LHPP: variants seen among roughly 807,000 people sequenced by gnomAD.
LHPP encodes the protein hLHPP.
In LHPP, 24 loss-of-function variants were observed where a neutral mutation model predicts 30.3. The ratio of observed to expected loss-of-function variants is 0.79; its 90% confidence interval spans 0.57 to 1.11. The LOEUF (loss-of-function observed/expected upper bound fraction) is 1.11. Among genes scored for constraint, LHPP ranks in the 50% most tolerant of loss-of-function variants. LHPP has a pLI of 0.00. For synonymous variants in LHPP, 150 were observed against 157.1 expected (o/e 0.95, Z 0.34); for missense variants, 356 against 367.2 (o/e 0.97, Z 0.25).
At chr10:124,476,128 C>G (rs1952936384) in intron 1 of LHPP, among the ~76,000 whole-genome samples, 2 of 152,090 alleles carry the variant, frequency 1.3e-5, no homozygotes, top group South Asian at 4.1e-4. Context: ...AGTGCCCTAG[C>G]TGGGGGCCGG....
chr10:124,607,434 C>T (rs545142982), intron 6 of LHPP, among the ~76,000 whole-genome samples: 5 of 152,382 alleles, frequency 3.3e-5, no homozygotes, highest in African/African-American at 4.8e-5. Flanking sequence ...AAACACCGGC[C>T]GGGTGCTAAT....
At chr10:124,543,025 G>A (rs1482335767) in intron 6 of LHPP, among the ~76,000 whole-genome samples, 2 of 152,196 alleles carry the variant, frequency 1.3e-5, no homozygotes, top group Non-Finnish European at 2.9e-5. Context: ...GTGAGTGGGG[G>A]CTGCTGTGCC....
intron 6 of LHPP, among the ~76,000 whole-genome samples, chr10:124,567,415 C>T (rs543518077): frequency 6.6e-6 from 1 of 152,394 alleles, no homozygotes; most frequent in East Asian, 1.9e-4. Context: ...CTGCCTCTCT[C>T]AGCCTCGGCC....
At chr10:124,566,275 C>G (rs940168213) in intron 6 of LHPP, among the ~76,000 whole-genome samples, 2 of 152,222 alleles carry the variant, frequency 1.3e-5, no homozygotes, top group Admixed American at 6.5e-5. Context: ...TCATGGGACC[C>G]CTGGGAGACT....
At chr10:124,608,766 G>A (rs948707406) in intron 6 of LHPP, among the ~76,000 whole-genome samples, 1 of 152,256 alleles carries the variant, frequency 6.6e-6, no homozygotes, top group Non-Finnish European at 1.5e-5. Context: ...AGGTAGAGCT[G>A]CTGAGAGAAG....
intron 5 of LHPP, among the ~76,000 whole-genome samples, chr10:124,505,636 A>G (rs1207148793): frequency 6.6e-6 from 1 of 152,232 alleles, no homozygotes; most frequent in Non-Finnish European, 1.5e-5. Flanking sequence ...AAAGAATAAC[A>G]TACCTTAAAG....
At chr10:124,488,965 T>C (rs1008462066) in intron 3 of LHPP, among the ~76,000 whole-genome samples, 2 of 152,140 alleles carry the variant, frequency 1.3e-5, no homozygotes, top group African/African-American at 4.8e-5. Context: ...TCAAGGGTTG[T>C]CTAATTAGTA....
intron 6 of LHPP, among the ~76,000 whole-genome samples, chr10:124,603,274 T>A (rs2134013821): frequency 6.6e-6 from 1 of 152,200 alleles, no homozygotes; most frequent in Non-Finnish European, 1.5e-5. Context: ...AGCTTTCTCA[T>A]CCACACACAC....
At chr10:124,491,318 T>A (rs1953520027) in intron 3 of LHPP, among the ~76,000 whole-genome samples, 1 of 152,210 alleles carries the variant, frequency 6.6e-6, no homozygotes, top group Admixed American at 6.5e-5. Flanking sequence ...GTGACAGCGC[T>A]CACTGCCTCT....
intron 6 of LHPP, among the ~76,000 whole-genome samples, chr10:124,608,376 G>T (rs918923181): frequency 3.3e-5 from 5 of 152,268 alleles, no homozygotes; most frequent in Middle Eastern, 6.8e-3. Flanking sequence ...CCCTGGACAG[G>T]ATTGCTGAGT....
chr10:124,487,976 G>A (rs942423209), intron 2 of LHPP, among the ~76,000 whole-genome samples: 19 of 152,214 alleles, frequency 1.2e-4, no homozygotes, highest in African/African-American at 3.1e-4. Flanking sequence ...CAGGACATAT[G>A]TGTGGGGTTG....
intron 1 of LHPP, among the ~76,000 whole-genome samples, chr10:124,472,392 G>A (rs758141596): frequency 3.3e-5 from 5 of 152,152 alleles, no homozygotes; most frequent in African/African-American, 4.8e-5. Flanking sequence ...TGCTGGAAGC[G>A]AGCTTATTAG....
intron 6 of LHPP, among the ~76,000 whole-genome samples, chr10:124,594,388 A>G (rs554931616): frequency 2.9e-4 from 44 of 151,878 alleles, no homozygotes; most frequent in African/African-American, 9.2e-4. Flanking sequence ...TTAAAAGAAA[A>G]AAGTGCATGT....
rs1027393859 is a variant in LHPP, at chr10:124,496,464, G to A, written c.468-497G>A. On this transcript the variant is annotated intron_variant, in intron 3 of 6. Transcript: ENST00000368842. This position sits in a 1 kb window ranked among gnomAD's most constrained non-coding sequence, Gnocchi z 4.3. ...TGGCGCCCATGAAACCTGGCACCTC[G>A]CTTGACCTCCGGCTAACGGGATGCG... is the stretch of plus-strand genomic sequence containing the variant. Among the ~76,000 whole-genome samples, 1 of 152,302 alleles carries A rather than the reference G, an allele frequency of 6.6e-6. No individual in the cohort carries two copies. Among genetic ancestry groups the A allele is most frequent in the Non-Finnish European group, 1.5e-5 (1 of 68,016 alleles).
chr10:124,468,014 A>G (rs1377496201), intron 1 of LHPP, among the ~76,000 whole-genome samples: 2 of 152,146 alleles, frequency 1.3e-5, no homozygotes, highest in Non-Finnish European at 2.9e-5. Context: ...CCAGCCCCCA[A>G]GGGACAGTTT....
intron 6 of LHPP, chr10:124,553,834 C>A (rs1271949688): frequency 2.1e-6 from 2 of 962,160 alleles, no homozygotes; most frequent in Non-Finnish European, 2.5e-6. Flanking sequence ...CTCCCCCGGG[C>A]CAGGCCCCTC....
At chr10:124,484,647 T>C (rs965628856) in intron 2 of LHPP, among the ~76,000 whole-genome samples, 1 of 144,550 alleles carries the variant, frequency 6.9e-6, no homozygotes, top group Non-Finnish European at 1.5e-5. Context: ...GTGGCGGAGT[T>C]CTAGCTCCTG....
At chr10:124,542,589 A>G (rs1664582075) in intron 6 of LHPP, among the ~76,000 whole-genome samples, 2 of 152,084 alleles carry the variant, frequency 1.3e-5, no homozygotes, top group African/African-American at 4.8e-5. Context: ...TGGGGACCAG[A>G]GAGAGGGGCA....
chr10:124,506,401 C>G (rs1204074872), intron 5 of LHPP, among the ~76,000 whole-genome samples: 1 of 151,894 alleles, frequency 6.6e-6, no homozygotes, highest in Non-Finnish European at 1.5e-5. Flanking sequence ...GGGACCACCC[C>G]CTTCCCAAGC....
Sources: allele counts gnomAD v4.1 joint callset (sites outside exome capture counted in the v4.1 genomes callset), GRCh38; gene constraint gnomAD v4.1.1; non-coding constraint Gnocchi (gnomAD v3.1); transcripts MANE v1.5; gene names NCBI Gene and HGNC (gene_info 2026-07-23, HGNC 2026-07-21).